Variants in PTPRK observed in about 807,000 individuals in gnomAD.
The protein encoded by PTPRK is protein tyrosine phosphatase receptor type K.
PTPRK carries 75 observed loss-of-function variants against 178.0 expected under a neutral mutation model. The ratio of observed to expected loss-of-function variants is 0.42; its 90% CI spans 0.35 to 0.51. The LOEUF (loss-of-function observed/expected upper bound fraction) is 0.51, where lower values mean the gene tolerates loss of function less well. Ranked by LOEUF, PTPRK falls within the 20% of genes least tolerant of loss-of-function variation. The pLI is 0.02. For synonymous variants in PTPRK, 637 were observed against 620.6 expected (o/e 1.03, Z -0.39); for missense variants, 1,441 against 1,797.8 (o/e 0.80, Z 3.59).
At chr6:128,461,526 C>T (rs1294199646) in intron 1 of PTPRK, among the ~76,000 whole-genome samples, 1 of 151,826 alleles carries the variant, frequency 6.6e-6, no homozygotes, top group African/African-American at 2.4e-5. Context: ...CCACAATTGA[C>T]GTTAACAAAA....
At chr6:128,511,396 G>T (rs1258601930) in intron 1 of PTPRK, among the ~76,000 whole-genome samples, 1 of 152,194 alleles carries the variant, frequency 6.6e-6, no homozygotes, top group Admixed American at 6.5e-5. Context: ...TAGATTCAAT[G>T]GTTGGAAACA....
At chr6:128,086,555 T>C (rs1292403223) in intron 8 of PTPRK, among the ~76,000 whole-genome samples, 4 of 152,150 alleles carry the variant, frequency 2.6e-5, no homozygotes, top group Non-Finnish European at 4.4e-5. Context: ...TTTTATTAGG[T>C]GGCTGATAAT....
chr6:128,500,244 G>C (rs1855341064), intron 1 of PTPRK, among the ~76,000 whole-genome samples: 1 of 152,100 alleles, frequency 6.6e-6, no homozygotes, highest in African/African-American at 2.4e-5. Flanking sequence ...TCTTTATCAG[G>C]CCCTGCTGAA....
intron 1 of PTPRK, chr6:128,409,434 C>T: frequency 5.9e-6 from 2 of 336,870 alleles, no homozygotes; most frequent in Admixed American, 7.9e-5. Context: ...GGGTTTATAA[C>T]TTTGCCAGAA....
At chr6:128,249,508 G>A (rs1172842801) in intron 3 of PTPRK, among the ~76,000 whole-genome samples, 1 of 151,984 alleles carries the variant, frequency 6.6e-6, no homozygotes, top group East Asian at 1.9e-4. Context: ...TGAAGTTACT[G>A]GATGATCTAA....
chr6:128,001,523 A>G (rs1335489001), intron 15 of PTPRK, among the ~76,000 whole-genome samples: 5 of 152,040 alleles, frequency 3.3e-5, no homozygotes, highest in Non-Finnish European at 7.4e-5. Flanking sequence ...TGTTTATATA[A>G]CTAGACTTTA....
chr6:128,475,070 G>A lies in PTPRK; in HGVS notation c.100+45189C>T, dbSNP rs542348115. ...GCCTTTGTGGGAAGCTAAGAAATTA[G>A]AAGTATCATTGCATAGTGTTTACAC... On this transcript the variant is annotated intron_variant, in intron 1 of 29. Coordinates refer to ENST00000368226, the MANE Select transcript of PTPRK (RefSeq NM_002844.4). 1.4e-4 allele frequency among the ~76,000 whole-genome samples: 22 copies of A among 152,204 alleles called. 1 individual carries two copies. In the South Asian group the frequency reaches 3.7e-3, roughly 26 times the overall value.
chr6:128,455,125 AAAT>A (rs1237389515), intron 1 of PTPRK, among the ~76,000 whole-genome samples: 2 of 152,184 alleles, frequency 1.3e-5, no homozygotes, highest in South Asian at 2.1e-4. Flanking sequence ...TGTATCAGAA[AAAT>A]AATAAAACTT....
intron 1 of PTPRK, among the ~76,000 whole-genome samples, chr6:128,515,785 C>T (rs1857917026): frequency 6.6e-6 from 1 of 152,180 alleles, no homozygotes; most frequent in South Asian, 2.1e-4. Flanking sequence ...TGCTCTCAAT[C>T]TTCCAGCATC....
At chr6:127,982,403 G>C (rs1242549234) in intron 24 of PTPRK, among the ~76,000 whole-genome samples, 1 of 152,154 alleles carries the variant, frequency 6.6e-6, no homozygotes, top group Non-Finnish European at 1.5e-5. Flanking sequence ...CTCCCGAGTA[G>C]CTGGGACTAC....
At chr6:128,399,685 A>G (rs945034185) in intron 1 of PTPRK, among the ~76,000 whole-genome samples, 1 of 152,184 alleles carries the variant, frequency 6.6e-6, no homozygotes, top group African/African-American at 2.4e-5. Flanking sequence ...TGCCCTCTGT[A>G]TATAAATTTA....
At chr6:128,196,095 A>G (rs2128254416) in intron 6 of PTPRK, among the ~76,000 whole-genome samples, 1 of 152,246 alleles carries the variant, frequency 6.6e-6, no homozygotes, top group Non-Finnish European at 1.5e-5. Context: ...ACAGGTTATT[A>G]CGTACTTCTA....
intron 7 of PTPRK, among the ~76,000 whole-genome samples, chr6:128,110,922 T>A (rs1012242798): frequency 6.6e-6 from 1 of 152,150 alleles, no homozygotes; most frequent in African/African-American, 2.4e-5. Flanking sequence ...TTTCAGGTGG[T>A]GTGCCCAAAT....
chr6:128,474,091 T>C (rs998917255), intron 1 of PTPRK, among the ~76,000 whole-genome samples: 1 of 152,012 alleles, frequency 6.6e-6, no homozygotes, highest in African/African-American at 2.4e-5. Context: ...GTAAGATCAC[T>C]GCCAGTGTTT....
intron 11 of PTPRK, among the ~76,000 whole-genome samples, chr6:128,076,655 C>G (rs530563551): frequency 6.6e-6 from 1 of 152,186 alleles, no homozygotes; most frequent in South Asian, 2.1e-4. Context: ...TTCTCAGCCT[C>G]TGGCTCAATT....
At chr6:128,073,059 A>C (rs1056128755) in intron 11 of PTPRK, among the ~76,000 whole-genome samples, 23 of 152,134 alleles carry the variant, frequency 1.5e-4, no homozygotes, top group Admixed American at 1.2e-3. Flanking sequence ...AACATGGTAC[A>C]TTACAAATAT....
At chr6:128,305,012 A>T (rs1217394600) in intron 3 of PTPRK, among the ~76,000 whole-genome samples, 2 of 152,042 alleles carry the variant, frequency 1.3e-5, no homozygotes, top group Non-Finnish European at 2.9e-5. Flanking sequence ...TTCTTAAATA[A>T]TTTTTTTTCT....
At chr6:128,461,820 C>T (rs771123524) in intron 1 of PTPRK, among the ~76,000 whole-genome samples, 1 of 152,190 alleles carries the variant, frequency 6.6e-6, no homozygotes, top group Non-Finnish European at 1.5e-5. Context: ...CTGTTCTACA[C>T]ATTTCATACA....
In PTPRK at chr6:128,083,840, A is replaced by T. The variant is rs116400209; in HGVS notation, c.1466-16T>A. 3,474 of 1,437,730 alleles carry T rather than the reference A, an allele frequency of 2.4e-3. 61 individuals are homozygous for T. In the African/African-American group the frequency reaches 0.042, roughly 17 times the overall value. 89.1% of individuals were successfully genotyped at this position (1,437,730 alleles called of 1,614,324 possible). On this transcript the variant is annotated splice_polypyrimidine_tract_variant and intron_variant, in intron 8 of 29. Coordinates refer to ENST00000368226, the MANE Select transcript of PTPRK (RefSeq NM_002844.4). ...GGACCAGGCACTACAAAACACATGA[A>T]TTTTTTGTTATGAAAATGCTTACAT...
Sources: allele counts gnomAD v4.1 joint callset (sites outside exome capture counted in the v4.1 genomes callset), GRCh38; gene constraint gnomAD v4.1.1; transcripts MANE v1.5; gene names NCBI Gene and HGNC (gene_info 2026-07-23, HGNC 2026-07-21).